Variants in FSTL4 observed in about 807,000 individuals in gnomAD.
FSTL4 encodes follistatin like 4, also known as follistatin-related protein 4.
FSTL4 carries 28 observed loss-of-function variants against 78.2 expected under a neutral mutation model. That is an observed-to-expected ratio of 0.36 (90% CI 0.27 to 0.49). The LOEUF is 0.49. Among genes scored for constraint, FSTL4 ranks in the 20% least tolerant of loss-of-function variants. The probability of loss-of-function intolerance (pLI) is 0.98; values close to 1 mark genes in which losing one functional copy is unlikely to be tolerated. For missense variants in FSTL4, 922 were observed against 1,084.9 expected (o/e 0.85, Z 2.11); for synonymous variants, 422 against 440.5 (o/e 0.96, Z 0.53).
chr5:133,222,508 C>T (rs1339418763), intron 11 of FSTL4, among the ~76,000 whole-genome samples: 1 of 152,204 alleles, frequency 6.6e-6, no homozygotes, highest in African/African-American at 2.4e-5. Flanking sequence ...CACTAAGCCA[C>T]AAACTCCAGG....
intron 3 of FSTL4, among the ~76,000 whole-genome samples, chr5:133,480,214 T>C (rs796161549): frequency 2.0e-5 from 3 of 152,326 alleles, no homozygotes; most frequent in African/African-American, 7.2e-5. Context: ...GCTCCACCAC[T>C]AACTGGCCTG....
intron 6 of FSTL4, among the ~76,000 whole-genome samples, chr5:133,268,880 G>C (rs1434133767): frequency 6.6e-6 from 1 of 152,090 alleles, no homozygotes; most frequent in Non-Finnish European, 1.5e-5. Context: ...GTTTCAAATA[G>C]AATTTGAAAG....
intron 2 of FSTL4, among the ~76,000 whole-genome samples, chr5:133,595,801 G>A (rs1367318311): frequency 2.0e-5 from 3 of 152,194 alleles, no homozygotes; most frequent in Non-Finnish European, 4.4e-5. Context: ...TATATTGCCT[G>A]TATTTCACTC....
intron 3 of FSTL4, among the ~76,000 whole-genome samples, chr5:133,504,026 T>C (rs1210632609): frequency 6.6e-6 from 1 of 152,032 alleles, no homozygotes; most frequent in Non-Finnish European, 1.5e-5. Flanking sequence ...TATAAAACCA[T>C]CGGATCTCGT....
the FSTL4 span, among the ~76,000 whole-genome samples, chr5:133,731,416 C>T: frequency 2.0e-5 from 3 of 152,178 alleles, no homozygotes; most frequent in Non-Finnish European, 4.4e-5. Flanking sequence ...AAGAGGGGAA[C>T]ATCACAGGGA....
the FSTL4 span, among the ~76,000 whole-genome samples, chr5:133,797,924 G>T: frequency 1.3e-5 from 2 of 152,018 alleles, no homozygotes; most frequent in Non-Finnish European, 2.9e-5. Flanking sequence ...CAACCTCGTG[G>T]CCCCAGAGCA....
At chr5:133,797,338 A>C in the FSTL4 span, among the ~76,000 whole-genome samples, 1 of 152,238 alleles carries the variant, frequency 6.6e-6, no homozygotes, top group Non-Finnish European at 1.5e-5. Context: ...TCTGTCTAAA[A>C]TTTGGAGTCA....
At chr5:133,668,619 T>G in the FSTL4 span, among the ~76,000 whole-genome samples, 99,287 of 152,036 alleles carry the variant, frequency 0.65, 33,229 homozygotes, top group African/African-American at 0.8. Flanking sequence ...CTGACACTGG[T>G]TTCTGTTGCT....
At chr5:133,639,482 A>G in the FSTL4 span, among the ~76,000 whole-genome samples, 1 of 152,204 alleles carries the variant, frequency 6.6e-6, no homozygotes, top group African/African-American at 2.4e-5. Context: ...TTTCCCAAGC[A>G]GATGAGAAAG....
At chr5:133,595,708 C>G (rs2112971569) in intron 2 of FSTL4, among the ~76,000 whole-genome samples, 1 of 152,344 alleles carries the variant, frequency 6.6e-6, no homozygotes, top group Non-Finnish European at 1.5e-5. Flanking sequence ...ACAGCTCTGT[C>G]TGTTGTGTTC....
chr5:133,340,741 T>C lies in FSTL4; in HGVS notation c.410-24089A>G, dbSNP rs1754561834. 3.3e-5 allele frequency among the ~76,000 whole-genome samples: 5 copies of C among 152,248 alleles called. No individual in the cohort carries two copies. In the South Asian group the frequency reaches 1.0e-3, roughly 32 times the overall value. On this transcript the variant is annotated intron_variant, in intron 4 of 15. Coordinates refer to ENST00000265342, the MANE Select transcript of FSTL4 (RefSeq NM_015082.2). ...ACTTAAAGGCCTATCGTACAGATATTTGATTAAGTGTCCTCATATCACAGA... is the reference window on the plus strand; with the variant it reads ...ACTTAAAGGCCTATCGTACAGATATCTGATTAAGTGTCCTCATATCACAGA...
chr5:133,523,874 C>T (rs1258960257), intron 3 of FSTL4, among the ~76,000 whole-genome samples: 1 of 152,238 alleles, frequency 6.6e-6, no homozygotes, highest in African/African-American at 2.4e-5. Context: ...AGCCGACATC[C>T]TAGTCCACTG....
chr5:133,638,811 T>A, the FSTL4 span, among the ~76,000 whole-genome samples: 4 of 131,684 alleles, frequency 3.0e-5, no homozygotes, highest in Admixed American at 3.2e-4. Flanking sequence ...ATACAATTTG[T>A]AAATTACTTT....
chr5:133,272,763 C>T (rs994587440), intron 6 of FSTL4, among the ~76,000 whole-genome samples: 1 of 152,282 alleles, frequency 6.6e-6, no homozygotes, highest in African/African-American at 2.4e-5. Flanking sequence ...GGCAGCATCG[C>T]GAGTGGTGAA....
At chr5:133,582,729 T>C (rs1256835630) in intron 2 of FSTL4, among the ~76,000 whole-genome samples, 4 of 152,206 alleles carry the variant, frequency 2.6e-5, no homozygotes, top group Non-Finnish European at 5.9e-5. Flanking sequence ...CTCTCAGCCT[T>C]TGGGGCTGCC....
chr5:133,465,480 G>T (rs1255157602), intron 3 of FSTL4, among the ~76,000 whole-genome samples: 1 of 152,230 alleles, frequency 6.6e-6, no homozygotes, highest in Non-Finnish European at 1.5e-5. Flanking sequence ...ATTCCACGAA[G>T]CCCCAAGCAG....
the FSTL4 span, among the ~76,000 whole-genome samples, chr5:133,669,322 G>A: frequency 1.3e-5 from 2 of 152,232 alleles, no homozygotes; most frequent in African/African-American, 4.8e-5. Context: ...AGCATGAGGT[G>A]GACAGTCAGG....
chr5:133,241,855 A>T (rs1011143899), intron 7 of FSTL4, among the ~76,000 whole-genome samples: 2 of 152,190 alleles, frequency 1.3e-5, no homozygotes, highest in African/African-American at 4.8e-5. Flanking sequence ...TCTAACTTGG[A>T]CCACACTCAC....
chr5:133,634,629 C>T, the FSTL4 span, among the ~76,000 whole-genome samples: 1 of 152,154 alleles, frequency 6.6e-6, no homozygotes, highest in African/African-American at 2.4e-5. Flanking sequence ...GAAATGTCTA[C>T]TCCATCATCC....
Sources: allele counts gnomAD v4.1 joint callset (sites outside exome capture counted in the v4.1 genomes callset), GRCh38; gene constraint gnomAD v4.1.1; transcripts MANE v1.5; gene names NCBI Gene and HGNC (gene_info 2026-07-23, HGNC 2026-07-21).